ZNF793: variants seen among roughly 807,000 people sequenced by gnomAD.
The protein encoded by ZNF793 is zinc finger protein 793.
In ZNF793, 5 loss-of-function variants were observed where a neutral mutation model predicts 12.4. That is an observed-to-expected ratio of 0.40 (90% CI 0.21 to 0.84). ZNF793 has a LOEUF of 0.84. Ranked by LOEUF, ZNF793 falls within the 40% of genes least tolerant of loss-of-function variation. ZNF793 has a pLI of 0.35. For synonymous variants in ZNF793, 162 were observed against 172.4 expected, an observed-to-expected ratio of 0.94 and a Z score of 0.47; for missense variants, 456 against 495.0, an observed-to-expected ratio of 0.92 and a Z score of 0.75.
Position 37,540,945 on chromosome 19 carries a change from T to C in ZNF793, c.*3066T>C, listed in dbSNP as rs1600428009. 2 of 151,832 alleles carry C rather than the reference T, an allele frequency of 1.3e-5. No individual in the cohort carries two copies. Among genetic ancestry groups the C allele is most frequent in the South Asian group, 4.2e-4 (2 of 4,816 alleles). The allele number at this position is 151,832 out of a possible 1,614,324, so 9.4% of individuals were successfully genotyped here. On this transcript the variant is annotated 3_prime_UTR_variant, in exon 8 of 8. Transcript: ENST00000627814. The stretch of plus-strand genomic sequence containing the variant: ...AAAAACATCACATGTACCCAATAAA[T>C]ATATACAACAATTATATATCTATAA...
Position 37,537,378 on chromosome 19 carries a change from T to G in ZNF793, c.720T>G (p.Ser240=). 3.7e-6 allele frequency: 6 copies of G among 1,612,986 alleles called. No homozygotes were observed. Among genetic ancestry groups the G allele is most frequent in the Non-Finnish European group, 5.1e-6 (6 of 1,179,394 alleles). ...SECGKAFCYK[S]EFIRHQRSHT... ...GTGGGAAAGCCTTCTGCTACAAGTC[T>G]GAATTCATTAGGCATCAGAGAAGTC... The change falls in exon 8 of 8, where the codon TCT becomes TCG. Residue 240 remains serine (S), a synonymous_variant. Transcript: ENST00000627814.
upstream of ZNF793, chr19:37,506,475 C>T (rs969393794): frequency 6.6e-6 from 1 of 152,274 alleles, no homozygotes; most frequent in African/African-American, 2.4e-5. Flanking sequence ...TGCTCTCTAA[C>T]TCCTAGAGCT....
chr19:37,512,384 G>A (rs2042300654), intron 2 of ZNF793, among the ~76,000 whole-genome samples: 1 of 151,854 alleles, frequency 6.6e-6, no homozygotes, highest in South Asian at 2.1e-4. Flanking sequence ...GGGTGGTGGT[G>A]CGTGCCTGTA....
chr19:37,506,516 G>C (rs1326040763), upstream of ZNF793: 1 of 152,168 alleles, frequency 6.6e-6, no homozygotes, highest in African/African-American at 2.4e-5. Flanking sequence ...TTGCCATAGG[G>C]GAGCTCCTAG....
At chr19:37,524,152 A>AAATAATAATAATAAT (rs200203820) in intron 5 of ZNF793, among the ~76,000 whole-genome samples, 1 of 138,950 alleles carries the variant, frequency 7.2e-6, no homozygotes, top group Non-Finnish European at 1.5e-5. Flanking sequence ...CTCCATCTCA[A>AAATAATAATAATAAT]AATAATAATA....
chr19:37,510,350 CAA>C (rs766159707), intron 2 of ZNF793, among the ~76,000 whole-genome samples: 8 of 123,466 alleles, frequency 6.5e-5, no homozygotes, highest in Admixed American at 8.3e-5. Flanking sequence ...ACTAAAACTA[CAA>C]AAAAAAAAAA....
intron 2 of ZNF793, among the ~76,000 whole-genome samples, chr19:37,514,970 AT>A (rs2042320022): frequency 6.6e-6 from 1 of 152,232 alleles, no homozygotes; most frequent in Non-Finnish European, 1.5e-5. Context: ...AAATAGAACA[AT>A]TTGGATACTT....
At chr19:37,528,883 G>A (rs996194235) in intron 5 of ZNF793, among the ~76,000 whole-genome samples, 1 of 152,182 alleles carries the variant, frequency 6.6e-6, no homozygotes, top group African/African-American at 2.4e-5. Context: ...CCGTCTTGCA[G>A]AGGAATCTCA....
chr19:37,521,913 C>T (rs1216171589), intron 3 of ZNF793, among the ~76,000 whole-genome samples: 1 of 151,956 alleles, frequency 6.6e-6, no homozygotes, highest in Non-Finnish European at 1.5e-5. Flanking sequence ...TATGTTATAT[C>T]ATAAATATAT....
At chr19:37,517,284 T>C (rs2147068757) in intron 2 of ZNF793, among the ~76,000 whole-genome samples, 1 of 152,194 alleles carries the variant, frequency 6.6e-6, no homozygotes, top group South Asian at 2.1e-4. Context: ...TATTTTAGTC[T>C]GTATCTACAG....
In ZNF793 at chr19:37,542,863, T is replaced by C. The variant is rs534428007; in HGVS notation, c.*4984T>C. The C allele has an allele frequency of 1.3e-5, 2 of 153,680 alleles. No homozygotes were observed. The highest frequency in any genetic ancestry group is 3.8e-4 in the East Asian group (2 of 5,264). The allele number at this position is 153,680 out of a possible 1,614,324, so 9.5% of individuals were successfully genotyped here. A position where few individuals can be genotyped will look rare whatever the true frequency, so the allele number is the denominator to read the frequency against. The stretch of plus-strand genomic sequence containing the variant: ...GATTTTATGTGCATGAAGAAAAGTA[T>C]AGAAGAGTATGCATTGACTTGGAGG... On this transcript the variant is annotated 3_prime_UTR_variant, in exon 8 of 8. Transcript: ENST00000627814.
rs186954859 is a variant in ZNF793, at chr19:37,525,032, G to A, written c.15+1578G>A. 1.2e-3 allele frequency among the ~76,000 whole-genome samples: 177 copies of A among 152,280 alleles called. 1 individual carries two copies. The highest frequency in any genetic ancestry group is 6.8e-3 in the Middle Eastern group (2 of 294). On this transcript the variant is annotated intron_variant, in intron 5 of 7. Coordinates refer to ENST00000627814, the MANE Select transcript of ZNF793 (RefSeq NM_001013659.3). Reference sequence around the variant, plus strand: ...TTTTCTATCTGTGTCAAAGCTGTAGGAAGTCCTAACTCTTCTGTTGCTTGC... The same window carrying A: ...TTTTCTATCTGTGTCAAAGCTGTAGAAAGTCCTAACTCTTCTGTTGCTTGC...
rs2042547743 is a variant in ZNF793 at position 37,540,891 on chromosome 19, AAAT to A, written c.*3014_*3016del. On this transcript the variant is annotated 3_prime_UTR_variant, in exon 8 of 8. Coordinates refer to ENST00000627814, the MANE Select transcript of ZNF793 (RefSeq NM_001013659.3). ...ATGATTTTTTGACAATCATTGAAAA[AAAT>A]ATATGAAAAAAATCATACCATGTAT... The A allele has an allele frequency of 6.6e-6, 1 of 152,066 alleles. No homozygotes were observed. The highest frequency in any genetic ancestry group is 1.5e-5 in the Non-Finnish European group (1 of 68,006). The allele number at this position is 152,066 out of a possible 1,614,324, so 9.4% of individuals were successfully genotyped here. A position where few individuals can be genotyped will look rare whatever the true frequency, so the allele number is the denominator to read the frequency against.
Position 37,536,944 on chromosome 19 carries a change from C to A in ZNF793, c.286C>A (p.Leu96Ile), listed in dbSNP as rs1210883277. ...NIQRKRRQDM[L>I]LRPGAAISKK... is the part of the protein sequence containing the mutation. Reference sequence around the variant, plus strand: ...CCAGAGGAAAAGACGGCAAGACATGCTTTTGAGGCCAGGCGCAGCCATAAG... The same window carrying A: ...CCAGAGGAAAAGACGGCAAGACATGATTTTGAGGCCAGGCGCAGCCATAAG... The change falls in exon 8 of 8, where the codon CTT becomes ATT. Residue 96 changes from leucine (L) to isoleucine (I), a missense_variant. Transcript: ENST00000627814. 1 of 1,613,074 alleles carries A rather than the reference C, an allele frequency of 6.2e-7. No individual in the cohort carries two copies. Among genetic ancestry groups the A allele is most frequent in the Non-Finnish European group, 8.5e-7 (1 of 1,179,676 alleles).
At chr19:37,527,873 C>T (rs1257031020) in intron 5 of ZNF793, among the ~76,000 whole-genome samples, 3 of 152,006 alleles carry the variant, frequency 2.0e-5, no homozygotes, top group Admixed American at 1.3e-4. Context: ...AATCCCAGCA[C>T]TTTGAGAGGC....
intron 5 of ZNF793, among the ~76,000 whole-genome samples, chr19:37,526,079 C>A (rs957134006): frequency 7.2e-5 from 11 of 152,200 alleles, no homozygotes; most frequent in Admixed American, 7.2e-4. Flanking sequence ...TGAGATTTAC[C>A]CTTGACTTCC....
At position 37,538,012 on chromosome 19, in the gene ZNF793, C is replaced by T. The variant is rs574193690; in HGVS notation, c.*133C>T. The T allele has an allele frequency of 1.1e-4, 115 of 1,076,844 alleles. 1 individual carries two copies. Among genetic ancestry groups the T allele is most frequent in the South Asian group, 6.6e-4 (38 of 57,168 alleles). 66.7% of individuals were successfully genotyped at this position (1,076,844 alleles called of 1,614,324 possible). Reference sequence around the variant, plus strand: ...CTGCAAGCTCTGCCTCCCGGGTTCACGCCATTCTCCTGCCTCAGCCTCCCG... The same window carrying T: ...CTGCAAGCTCTGCCTCCCGGGTTCATGCCATTCTCCTGCCTCAGCCTCCCG... On this transcript the variant is annotated 3_prime_UTR_variant, in exon 8 of 8. Transcript: ENST00000627814.
In ZNF793 at chr19:37,537,978, C is replaced by T; in HGVS notation, c.*99C>T. Reference sequence around the variant, plus strand: ...CCAGGCTGGAGTGCAGTGGCGCGATCTCGGCTTACTGCAAGCTCTGCCTCC... The same window carrying T: ...CCAGGCTGGAGTGCAGTGGCGCGATTTCGGCTTACTGCAAGCTCTGCCTCC... On this transcript the variant is annotated 3_prime_UTR_variant, in exon 8 of 8. Transcript: ENST00000627814. 2.2e-6 allele frequency: 3 copies of T among 1,347,604 alleles called. No homozygotes were observed. Among genetic ancestry groups the T allele is most frequent in the Non-Finnish European group, 2.9e-6 (3 of 1,026,124 alleles). The allele number at this position is 1,347,604 out of a possible 1,614,324, so 83.5% of individuals were successfully genotyped here. A position where few individuals can be genotyped will look rare whatever the true frequency, so the allele number is the denominator to read the frequency against.
chr19:37,529,462 T>G, intron 5 of ZNF793, among the ~76,000 whole-genome samples: 1 of 152,176 alleles, frequency 6.6e-6, no homozygotes, highest in East Asian at 1.9e-4. Flanking sequence ...GCAGCATTTT[T>G]TTTTTTAATT....
Sources: gnomAD v4.1 joint callset for allele counts (sites outside exome capture counted in the v4.1 genomes callset) on GRCh38, gnomAD v4.1.1 for gene constraint, MANE v1.5 for transcripts, NCBI Gene and HGNC (gene_info 2026-07-23, HGNC 2026-07-21) for gene names.